B4GALT6: variants seen among roughly 807,000 people sequenced by gnomAD.
B4GALT6 encodes the protein UDP-Gal:beta-GlcNAc beta-1,4-galactosyltransferase 6.
B4GALT6 carries 14 observed loss-of-function variants against 46.3 expected under a neutral mutation model. That is an observed-to-expected ratio of 0.30 (90% CI 0.20 to 0.47). The LOEUF (loss-of-function observed/expected upper bound fraction) is 0.47. Among genes scored for constraint, B4GALT6 ranks in the 20% least tolerant of loss-of-function variants. The pLI is 0.99. For missense variants in B4GALT6, 386 were observed against 480.1 expected (o/e 0.80, Z 1.83); for synonymous variants, 168 against 162.0 (o/e 1.04, Z -0.28).
At chr18:31,706,175 T>A in the B4GALT6 span, among the ~76,000 whole-genome samples, 7 of 152,128 alleles carry the variant, frequency 4.6e-5, no homozygotes, top group Admixed American at 2.6e-4. Context: ...ACAGAGGGAA[T>A]AAATACACAT....
chr18:31,663,170 A>C (rs1379224112), intron 2 of B4GALT6, among the ~76,000 whole-genome samples: 1 of 152,186 alleles, frequency 6.6e-6, no homozygotes, highest in Non-Finnish European at 1.5e-5. Flanking sequence ...TTAAAGGAAA[A>C]GGAGGACAGC....
chr18:31,645,323 A>G, intron 4 of B4GALT6, 32 bp downstream of exon 4: 1 of 1,612,066 alleles, frequency 6.2e-7, no homozygotes, highest in Non-Finnish European at 8.5e-7. Context: ...CTCAGTAACA[A>G]TCAAATTGCT....
chr18:31,718,971 G>C, the B4GALT6 span: 11 of 152,182 alleles, frequency 7.2e-5, no homozygotes, highest in African/African-American at 2.4e-4. Flanking sequence ...GGCTGGCTAG[G>C]TGGGTGTCCT....
intron 1 of B4GALT6, 63 bp downstream of exon 1, chr18:31,684,248 CG>C (rs1203960672): frequency 6.2e-7 from 1 of 1,601,610 alleles, no homozygotes; most frequent in Non-Finnish European, 8.5e-7. Flanking sequence ...GAAGTAACAT[CG>C]GATAACAGCC....
the B4GALT6 span, among the ~76,000 whole-genome samples, chr18:31,721,909 T>C: frequency 6.6e-6 from 1 of 152,198 alleles, no homozygotes; most frequent in African/African-American, 2.4e-5. Flanking sequence ...TGTGTGTATG[T>C]GTGTATGTGG....
intron 2 of B4GALT6, among the ~76,000 whole-genome samples, chr18:31,662,083 G>C (rs151096801): frequency 6.6e-6 from 1 of 152,340 alleles, no homozygotes; most frequent in Non-Finnish European, 1.5e-5. Context: ...GAGGGCCAGA[G>C]AGAATTGTTC....
At chr18:31,655,435 C>G (rs541436498) in intron 3 of B4GALT6, among the ~76,000 whole-genome samples, 4 of 152,248 alleles carry the variant, frequency 2.6e-5, no homozygotes, top group African/African-American at 9.6e-5. Flanking sequence ...CCCAGGGAAG[C>G]AGAGAGAAGG....
the B4GALT6 span, among the ~76,000 whole-genome samples, chr18:31,721,641 G>A: frequency 1.3e-5 from 2 of 152,154 alleles, no homozygotes; most frequent in African/African-American, 4.8e-5. Context: ...ATCAGTTAAA[G>A]GTCTTAAGAA....
At position 31,684,386 on chromosome 18, in the gene B4GALT6, G is replaced by A. The variant is rs2074517468; in HGVS notation, c.41C>T (p.Ser14Phe). Residue 14 changes from serine to phenylalanine, a missense_variant, in exon 1 of 9, where the codon TCT becomes TTT. By Grantham distance (155) the Ser-to-Phe change is radical. This residue lies in a region of B4GALT6 where 63 missense variants were observed against 41.3 expected (regional missense o/e 1.53). Transcript: ENST00000306851. ...LRRMMRVSNRSLLAFIFFFSL... is the reference protein window; with the variant it reads ...LRRMMRVSNRFLLAFIFFFSL... ...GAAGAAGAAGATGAAGGCGAGGAGA[G>A]AGCGATTGGAAACCCGCATCATCCG... 1 of 1,613,628 alleles carries A rather than the reference G, an allele frequency of 6.2e-7. No individual in the cohort carries two copies. Among genetic ancestry groups the A allele is most frequent in the East Asian group, 2.2e-5 (1 of 44,848 alleles).
chr18:31,694,278 A>T, the B4GALT6 span, among the ~76,000 whole-genome samples: 1 of 152,256 alleles, frequency 6.6e-6, no homozygotes. Flanking sequence ...CTTCAGGAAG[A>T]TGTAAACAGG....
chr18:31,697,871 G>A, the B4GALT6 span, among the ~76,000 whole-genome samples: 13 of 151,966 alleles, frequency 8.6e-5, no homozygotes, highest in Non-Finnish European at 1.6e-4. Context: ...ATTATCATTC[G>A]TTTGTAGATA....
At chr18:31,717,378 A>G in the B4GALT6 span, among the ~76,000 whole-genome samples, 1 of 152,190 alleles carries the variant, frequency 6.6e-6, no homozygotes, top group Admixed American at 6.5e-5. Context: ...AAGAGGCACA[A>G]GGGGAGTTTC....
At chr18:31,664,311 C>G (rs2074257874) in intron 2 of B4GALT6, among the ~76,000 whole-genome samples, 1 of 152,208 alleles carries the variant, frequency 6.6e-6, no homozygotes, top group Admixed American at 6.5e-5. Flanking sequence ...CAGAAAGCCT[C>G]ATGTGTTTAA....
At chr18:31,628,958 T>C (rs1340765664) in intron 6 of B4GALT6, among the ~76,000 whole-genome samples, 1 of 152,188 alleles carries the variant, frequency 6.6e-6, no homozygotes, top group Non-Finnish European at 1.5e-5. Flanking sequence ...TCTTTCACCT[T>C]GCCACCCTTG....
the B4GALT6 span, among the ~76,000 whole-genome samples, chr18:31,722,168 G>C: frequency 6.6e-6 from 1 of 151,940 alleles, no homozygotes; most frequent in African/African-American, 2.4e-5. Context: ...ACAAAAAAAA[G>C]CTTCCTGTAT....
the B4GALT6 span, chr18:31,718,799 G>A: frequency 6.6e-6 from 1 of 152,136 alleles, no homozygotes; most frequent in Non-Finnish European, 1.5e-5. Flanking sequence ...CTGCTTCCTA[G>A]AAAAGAGATT....
At chr18:31,641,516 T>C (rs922131807) in intron 4 of B4GALT6, among the ~76,000 whole-genome samples, 1 of 152,226 alleles carries the variant, frequency 6.6e-6, no homozygotes, top group Non-Finnish European at 1.5e-5. Context: ...ATGTCCTCCA[T>C]AGTTTACAAT....
chr18:31,655,779 A>T (rs1348530684), intron 3 of B4GALT6, among the ~76,000 whole-genome samples: 1 of 152,204 alleles, frequency 6.6e-6, no homozygotes, highest in Non-Finnish European at 1.5e-5. Flanking sequence ...ACACAGACAA[A>T]AGTATTCATT....
At chr18:31,693,914 G>C in the B4GALT6 span, among the ~76,000 whole-genome samples, 4 of 152,174 alleles carry the variant, frequency 2.6e-5, no homozygotes, top group Non-Finnish European at 5.9e-5. Context: ...GCTGCAGTGA[G>C]CCATGATCAT....
Sources: gnomAD v4.1 joint callset for allele counts (sites outside exome capture counted in the v4.1 genomes callset) on GRCh38, gnomAD v4.1.1 for gene constraint, gnomAD v4.1.1 regional missense constraint, MANE v1.5 for transcripts, NCBI Gene and HGNC (gene_info 2026-07-23, HGNC 2026-07-21) for gene names.